The following COL26A1 variants were observed in gnomAD, a reference collection of about 807,000 sequenced individuals.
COL26A1 encodes collagen type XXVI alpha 1 chain.
COL26A1 carries 41 observed loss-of-function variants against 59.3 expected under a neutral mutation model. The ratio of observed to expected loss-of-function variants is 0.69; its 90% CI spans 0.54 to 0.90. COL26A1 has a LOEUF of 0.90. Ranked by LOEUF, COL26A1 falls within the 40% of genes least tolerant of loss-of-function variation. The pLI, the probability that COL26A1 is intolerant of heterozygous loss-of-function variation, is 0.00. For missense variants in COL26A1, 612 were observed against 602.3 expected (o/e 1.02, Z -0.17); for synonymous variants, 266 against 256.0 (o/e 1.04, Z -0.37).
intron 3 of COL26A1, among the ~76,000 whole-genome samples, chr7:101,505,267 G>A (rs954125386): frequency 9.9e-5 from 15 of 151,930 alleles, no homozygotes; most frequent in Non-Finnish European, 1.8e-4. Flanking sequence ...ATGACTGTGA[G>A]TGTGCATGAA....
chr7:101,546,535 C>T lies in COL26A1; in HGVS notation c.857-621C>T, dbSNP rs1363417799. Among the ~76,000 whole-genome samples, 3 of 152,220 alleles carry T rather than the reference C, an allele frequency of 2.0e-5. No individual in the cohort carries two copies. In the East Asian group the frequency reaches 5.8e-4, roughly 29 times the overall value. On this transcript the variant is annotated intron_variant, in intron 7 of 12. Coordinates refer to ENST00000313669, the MANE Select transcript of COL26A1 (RefSeq NM_001278563.3). Reference sequence around the variant, plus strand: ...AAGTGATCCTCCCTCCTCAGCCTCCCAAAGTGCTGGGAGTACAGGTGTGAG... The same window carrying T: ...AAGTGATCCTCCCTCCTCAGCCTCCTAAAGTGCTGGGAGTACAGGTGTGAG...
intron 3 of COL26A1, among the ~76,000 whole-genome samples, chr7:101,507,702 G>A (rs1410540068): frequency 6.6e-6 from 1 of 152,110 alleles, no homozygotes; most frequent in African/African-American, 2.4e-5. Flanking sequence ...ACTGGCGTGA[G>A]CCACCACAAA....
intron 3 of COL26A1, among the ~76,000 whole-genome samples, chr7:101,521,492 T>A (rs944952861): frequency 6.6e-5 from 10 of 152,062 alleles, no homozygotes; most frequent in African/African-American, 2.4e-4. Context: ...GAAGGCTTCC[T>A]GAAAGAGGTG....
At chr7:101,387,983 C>G (rs149785160) in intron 1 of COL26A1, among the ~76,000 whole-genome samples, 14 of 150,344 alleles carry the variant, frequency 9.3e-5, no homozygotes, top group African/African-American at 3.4e-4. Context: ...GGCCAAGTAT[C>G]GGACTCCCAG....
chr7:101,411,580 C>T (rs1263863191), intron 1 of COL26A1, among the ~76,000 whole-genome samples: 2 of 152,056 alleles, frequency 1.3e-5, no homozygotes, highest in African/African-American at 2.4e-5. Context: ...GGTAAGGAAA[C>T]GGGGAACTTA....
chr7:101,511,720 G>A (rs1273596049), intron 3 of COL26A1, among the ~76,000 whole-genome samples: 1 of 152,200 alleles, frequency 6.6e-6, no homozygotes, highest in Non-Finnish European at 1.5e-5. Flanking sequence ...ACAAAAGGGA[G>A]GACCCCGGTT....
chr7:101,536,798 A>G (rs58583915), intron 4 of COL26A1, among the ~76,000 whole-genome samples: 79,214 of 152,154 alleles, frequency 0.52, 22,693 homozygotes, highest in African/African-American at 0.76. Context: ...TGGTGTCCAA[A>G]GAAGCCAGGC....
At chr7:101,389,377 A>ATTTT (rs71106518) in intron 1 of COL26A1, among the ~76,000 whole-genome samples, 1 of 89,358 alleles carries the variant, frequency 1.1e-5, no homozygotes, top group African/African-American at 4.0e-5. Flanking sequence ...TGATTTGCAC[A>ATTTT]TTTTTTTTTT....
At chr7:101,448,904 T>C (rs1450037326) in intron 3 of COL26A1, among the ~76,000 whole-genome samples, 1 of 152,246 alleles carries the variant, frequency 6.6e-6, no homozygotes, top group African/African-American at 2.4e-5. Flanking sequence ...GCAGGATCTA[T>C]ATGCTTTGAG....
At chr7:101,454,961 C>G (rs564265014) in intron 3 of COL26A1, among the ~76,000 whole-genome samples, 25 of 151,922 alleles carry the variant, frequency 1.6e-4, no homozygotes, top group African/African-American at 5.6e-4. Flanking sequence ...TTTCATAGAG[C>G]ATAAATTCTG....
intron 4 of COL26A1, among the ~76,000 whole-genome samples, chr7:101,539,168 T>C (rs1309350623): frequency 1.3e-5 from 2 of 152,172 alleles, no homozygotes. Context: ...CAAGCAATCG[T>C]GGCCACTTTT....
intron 2 of COL26A1, among the ~76,000 whole-genome samples, chr7:101,444,508 G>A (rs1793139072): frequency 6.6e-6 from 1 of 150,804 alleles, no homozygotes; most frequent in South Asian, 2.1e-4. Flanking sequence ...TCCGCCTCCT[G>A]GGTTCAAATG....
chr7:101,497,036 G>A (rs12333934), intron 3 of COL26A1, among the ~76,000 whole-genome samples: 41,352 of 151,926 alleles, frequency 0.27, 7,800 homozygotes, highest in African/African-American at 0.54. Context: ...TCAGGAGTTC[G>A]AGACCAGCCT....
intron 5 of COL26A1, among the ~76,000 whole-genome samples, chr7:101,542,956 C>CA (rs1795648910): frequency 6.6e-6 from 1 of 152,180 alleles, no homozygotes; most frequent in Non-Finnish European, 1.5e-5. Flanking sequence ...AAGACCTTTC[C>CA]AACCAGGGGA....
chr7:101,467,467 G>A (rs745559761), intron 3 of COL26A1, among the ~76,000 whole-genome samples: 1 of 151,548 alleles, frequency 6.6e-6, no homozygotes. Flanking sequence ...TGCATAGTGT[G>A]CGAAGAAGCT....
intron 4 of COL26A1, among the ~76,000 whole-genome samples, chr7:101,535,239 C>T (rs1028129781): frequency 3.3e-5 from 5 of 152,246 alleles, no homozygotes; most frequent in African/African-American, 7.2e-5. Flanking sequence ...TGGGCTGAGC[C>T]GGGGCCAGGA....
intron 5 of COL26A1, among the ~76,000 whole-genome samples, chr7:101,541,176 G>GC (rs1795609510): frequency 6.6e-6 from 1 of 151,962 alleles, no homozygotes; most frequent in African/African-American, 2.4e-5. Flanking sequence ...TGCACTTATG[G>GC]CCCCCAGCCC....
chr7:101,481,632 G>T (rs183112352), intron 3 of COL26A1, among the ~76,000 whole-genome samples: 1 of 151,770 alleles, frequency 6.6e-6, no homozygotes, highest in East Asian at 1.9e-4. Context: ...TAAATATTTT[G>T]TAGAAACGGG....
intron 3 of COL26A1, among the ~76,000 whole-genome samples, chr7:101,461,646 G>A (rs1793615680): frequency 6.6e-6 from 1 of 152,106 alleles, no homozygotes; most frequent in African/African-American, 2.4e-5. Context: ...TTCACACATT[G>A]CCACTCAAGG....
Sources: allele counts gnomAD v4.1 joint callset (sites outside exome capture counted in the v4.1 genomes callset), GRCh38; gene constraint gnomAD v4.1.1; transcripts MANE v1.5; gene names NCBI Gene and HGNC (gene_info 2026-07-23, HGNC 2026-07-21).